PPP2R2B: variants seen among roughly 807,000 people sequenced by gnomAD.
PPP2R2B encodes the protein serine/threonine-protein phosphatase 2A 55 kDa regulatory subunit B beta isoform.
Under a neutral mutation model 46.0 loss-of-function variants are expected in PPP2R2B, and 5 were observed. That is an observed-to-expected ratio of 0.11 (90% confidence interval 0.06 to 0.23). The LOEUF (loss-of-function observed/expected upper bound fraction) is 0.23, where lower values mean the gene tolerates loss of function less well. Among genes scored for constraint, PPP2R2B ranks in the 10% least tolerant of loss-of-function variants. PPP2R2B has a pLI of 1.00. For missense variants in PPP2R2B, 367 were observed against 575.0 expected, an observed-to-expected ratio of 0.64 and a Z score of 3.70; for synonymous variants, 215 against 206.7, an observed-to-expected ratio of 1.04 and a Z score of -0.34.
intron 2 of PPP2R2B, among the ~76,000 whole-genome samples, chr5:146,838,951 G>A (rs1428789114): frequency 6.6e-6 from 1 of 152,132 alleles, no homozygotes; most frequent in East Asian, 1.9e-4. Context: ...AAAAGTGAAT[G>A]TCCATCCTCC....
chr5:146,594,852 G>C lies in PPP2R2B; in HGVS notation c.961-1790C>G, dbSNP rs73793203. The stretch of plus-strand genomic sequence containing the variant: ...TAGAACTGTGTGAAAGCAGAGGGAG[G>C]CTACCAAGGGCATTGGTGTTTAAGT... On this transcript the variant is annotated intron_variant, in intron 8 of 9. Transcript: ENST00000394411. Among the ~76,000 whole-genome samples, 1,157 of 152,260 alleles carry C rather than the reference G, an allele frequency of 7.6e-3. 16 individuals are homozygous for C. The highest frequency in any genetic ancestry group is 0.026 in the African/African-American group (1,060 of 41,544).
intron 2 of PPP2R2B, among the ~76,000 whole-genome samples, chr5:146,772,431 T>TAC (rs1754925485): frequency 8.9e-6 from 1 of 111,982 alleles, no homozygotes; most frequent in Non-Finnish European, 1.9e-5. Context: ...TATATATATA[T>TAC]ACTTATTTCT....
intron 2 of PPP2R2B, among the ~76,000 whole-genome samples, chr5:147,065,941 T>C (rs1374466716): frequency 1.3e-5 from 2 of 152,042 alleles, no homozygotes; most frequent in Non-Finnish European, 2.9e-5. Flanking sequence ...TGAGATAGGA[T>C]GTATTATTCT....
At chr5:147,038,891 C>G (rs993457424) in intron 1 of PPP2R2B, among the ~76,000 whole-genome samples, 5 of 152,146 alleles carry the variant, frequency 3.3e-5, no homozygotes, top group African/African-American at 9.7e-5. Flanking sequence ...AGTTTTCTAA[C>G]TGCTAAGATA....
chr5:146,871,780 C>T (rs1436390080), intron 2 of PPP2R2B, among the ~76,000 whole-genome samples: 1 of 152,190 alleles, frequency 6.6e-6, no homozygotes, highest in South Asian at 2.1e-4. Flanking sequence ...CAGTCATGAG[C>T]TCTAATCTGG....
chr5:146,856,176 T>C (rs1760651840), intron 2 of PPP2R2B, among the ~76,000 whole-genome samples: 1 of 152,202 alleles, frequency 6.6e-6, no homozygotes, highest in South Asian at 2.1e-4. Flanking sequence ...CTAACATCAA[T>C]AAAGCAGGCT....
intron 5 of PPP2R2B, among the ~76,000 whole-genome samples, chr5:146,654,263 AGGGGAGGTGG>A (rs1426670752): frequency 6.6e-6 from 1 of 152,090 alleles, no homozygotes; most frequent in Non-Finnish European, 1.5e-5. Context: ...CCCATTTTAC[AGGGGAGGTGG>A]GGGGAGGTGG....
intron 1 of PPP2R2B, among the ~76,000 whole-genome samples, chr5:147,039,545 G>A (rs111969598): frequency 4.8e-4 from 73 of 152,194 alleles, no homozygotes; most frequent in African/African-American, 1.5e-3. Context: ...TGCAACTGGG[G>A]CCTGAGAAAT....
At chr5:146,983,953 A>G (rs1041315538) in intron 1 of PPP2R2B, among the ~76,000 whole-genome samples, 2 of 151,826 alleles carry the variant, frequency 1.3e-5, no homozygotes, top group Admixed American at 1.3e-4. Context: ...AAACATTTTT[A>G]TTATAAATTA....
At chr5:146,871,293 C>T (rs2963079) in intron 2 of PPP2R2B, among the ~76,000 whole-genome samples, 1 of 151,990 alleles carries the variant, frequency 6.6e-6, no homozygotes, top group Non-Finnish European at 1.5e-5. Context: ...TCATATTTCT[C>T]TTGCTGTGGC....
At chr5:146,749,143 C>T (rs1295907621) in intron 2 of PPP2R2B, among the ~76,000 whole-genome samples, 1 of 152,134 alleles carries the variant, frequency 6.6e-6, no homozygotes, top group Admixed American at 6.5e-5. Flanking sequence ...ATTTGCATTT[C>T]CTTAATGGCT....
At chr5:146,765,751 G>T (rs549539308) in intron 2 of PPP2R2B, among the ~76,000 whole-genome samples, 2 of 152,262 alleles carry the variant, frequency 1.3e-5, no homozygotes, top group South Asian at 4.2e-4. Context: ...CACACCACAG[G>T]AAGTGATTGG....
chr5:146,589,747 G>T lies in PPP2R2B; in HGVS notation c.*200C>A. 1.7e-6 allele frequency: 1 copy of T among 575,694 alleles called. No individual in the cohort carries two copies. Among genetic ancestry groups the T allele is most frequent in the South Asian group, 2.3e-5 (1 of 42,664 alleles). The allele number at this position is 575,694 out of a possible 1,614,324, so 35.7% of individuals were successfully genotyped here. On this transcript the variant is annotated 3_prime_UTR_variant, in exon 10 of 10. Transcript: ENST00000394411. ...TGGCAGCTTTCAATTCTAAACAGAAGTGTCCCAAACCTATTGGGTTTGACA... is the reference window on the plus strand; with the variant it reads ...TGGCAGCTTTCAATTCTAAACAGAATTGTCCCAAACCTATTGGGTTTGACA...
At chr5:146,988,334 T>C (rs1753526496) in intron 1 of PPP2R2B, among the ~76,000 whole-genome samples, 1 of 151,966 alleles carries the variant, frequency 6.6e-6, no homozygotes, top group South Asian at 2.1e-4. Context: ...CAACAGCACA[T>C]GGAACATTGT....
At chr5:147,023,569 G>T (rs1248927786) in intron 1 of PPP2R2B, among the ~76,000 whole-genome samples, 1 of 152,108 alleles carries the variant, frequency 6.6e-6, no homozygotes. Context: ...TCATAAGAGG[G>T]ATATCTTAGT....
At chr5:147,041,249 T>G (rs1293716264) in intron 1 of PPP2R2B, among the ~76,000 whole-genome samples, 1 of 152,174 alleles carries the variant, frequency 6.6e-6, no homozygotes, top group African/African-American at 2.4e-5. Flanking sequence ...CGATGAGGAC[T>G]GCCAAGGGCC....
At chr5:146,965,317 A>G (rs1244698019) in intron 1 of PPP2R2B, among the ~76,000 whole-genome samples, 1 of 152,230 alleles carries the variant, frequency 6.6e-6, no homozygotes, top group African/African-American at 2.4e-5. Flanking sequence ...ATCTGCCAGT[A>G]CATCATAGAA....
At chr5:146,817,049 G>A (rs73793283) in intron 2 of PPP2R2B, among the ~76,000 whole-genome samples, 3,989 of 152,266 alleles carry the variant, frequency 0.026, 51 homozygotes, top group Middle Eastern at 0.044. Context: ...CGTTGCTCTT[G>A]AGGGCTACTC....
chr5:146,732,466 CA>C (rs1487799267), intron 2 of PPP2R2B, among the ~76,000 whole-genome samples: 1 of 152,144 alleles, frequency 6.6e-6, no homozygotes, highest in Admixed American at 6.5e-5. Context: ...GGAATTTCCA[CA>C]GTGACTATGG....
Sources: allele counts gnomAD v4.1 joint callset (sites outside exome capture counted in the v4.1 genomes callset), GRCh38; gene constraint gnomAD v4.1.1; transcripts MANE v1.5; gene names NCBI Gene and HGNC (gene_info 2026-07-23, HGNC 2026-07-21).